Variants in PDE4B observed in about 807,000 individuals in gnomAD.
PDE4B encodes the protein 3',5'-cyclic-AMP phosphodiesterase 4B.
Under a neutral mutation model 82.2 loss-of-function variants are expected in PDE4B, and 20 were observed. That is an observed-to-expected ratio of 0.24 (90% CI 0.17 to 0.35). PDE4B has a LOEUF of 0.35. PDE4B is among the 10% of genes least tolerant of loss of function. PDE4B has a pLI of 1.00. For missense variants in PDE4B, 655 were observed against 907.2 expected (o/e 0.72, Z 3.57); for synonymous variants, 320 against 318.9 (o/e 1.00, Z -0.04).
chr1:66,312,736 A>G (rs1186345797), intron 7 of PDE4B, among the ~76,000 whole-genome samples: 1 of 152,188 alleles, frequency 6.6e-6, no homozygotes, highest in African/African-American at 2.4e-5. Flanking sequence ...ACTACAGCCC[A>G]TGGGCCAGCC....
intron 3 of PDE4B, among the ~76,000 whole-genome samples, chr1:66,099,967 C>T (rs1645190228): frequency 6.6e-6 from 1 of 152,114 alleles, no homozygotes; most frequent in African/African-American, 2.4e-5. Flanking sequence ...TCAAAGAAGT[C>T]TTCCCTGGCC....
At chr1:66,222,652 C>T (rs1307060181) in intron 3 of PDE4B, among the ~76,000 whole-genome samples, 1 of 152,192 alleles carries the variant, frequency 6.6e-6, no homozygotes, top group African/African-American at 2.4e-5. Context: ...GCAAATTATT[C>T]AACCTCTCTG....
chr1:66,063,792 A>G (rs1282262440), intron 3 of PDE4B, among the ~76,000 whole-genome samples: 1 of 151,986 alleles, frequency 6.6e-6, no homozygotes, highest in Admixed American at 6.6e-5. Context: ...AAAAGTAGGA[A>G]ATGTCTAAAT....
chr1:65,987,151 G>A (rs1650996225), intron 3 of PDE4B, among the ~76,000 whole-genome samples: 1 of 152,120 alleles, frequency 6.6e-6, no homozygotes. Context: ...TCATTGGAGG[G>A]CTTTGAGTAA....
chr1:65,804,586 G>T (rs1258207646), intron 1 of PDE4B, among the ~76,000 whole-genome samples: 1 of 152,140 alleles, frequency 6.6e-6, no homozygotes, highest in Non-Finnish European at 1.5e-5. Context: ...AATAATTAGA[G>T]AGTAGGGAAT....
intron 1 of PDE4B, among the ~76,000 whole-genome samples, chr1:65,906,353 C>A (rs1647027916): frequency 6.6e-6 from 1 of 152,114 alleles, no homozygotes; most frequent in Non-Finnish European, 1.5e-5. Context: ...TGAAAACTCT[C>A]AGGTGTGGAG....
intron 3 of PDE4B, among the ~76,000 whole-genome samples, chr1:66,064,470 A>T (rs1014387967): frequency 1.3e-5 from 2 of 152,018 alleles, no homozygotes; most frequent in African/African-American, 4.8e-5. Context: ...AAAAGGAGGC[A>T]GTCCAGAGAT....
At position 65,836,311 on chromosome 1, in the gene PDE4B, T is replaced by A. The variant is rs542868504; in HGVS notation, c.-71+43063T>A. On this transcript the variant is annotated intron_variant, in intron 1 of 16. Coordinates refer to ENST00000341517, the MANE Select transcript of PDE4B (RefSeq NM_002600.4). ...CACCGCTATCCTTACCATGTCCCCA[T>A]GTCCTATACATGGTCATCTCTACTC... is the stretch of plus-strand genomic sequence containing the variant. Among the ~76,000 whole-genome samples, 143 of 152,334 alleles carry A rather than the reference T, an allele frequency of 9.4e-4. 1 individual carries two copies. The highest frequency in any genetic ancestry group is 3.4e-3 in the Middle Eastern group (1 of 294).
chr1:66,174,312 AATTT>A (rs1646891541), intron 3 of PDE4B, among the ~76,000 whole-genome samples: 1 of 152,230 alleles, frequency 6.6e-6, no homozygotes, highest in Non-Finnish European at 1.5e-5. Context: ...ACTACTTCTT[AATTT>A]ATTTGTGTTA....
chr1:66,063,679 C>A (rs368448434), intron 3 of PDE4B, among the ~76,000 whole-genome samples: 1 of 151,858 alleles, frequency 6.6e-6, no homozygotes, highest in South Asian at 2.1e-4. Flanking sequence ...TCTCTCAAGT[C>A]TTTTAAAAAC....
At chr1:66,286,497 A>AT (rs2101798105) in intron 7 of PDE4B, among the ~76,000 whole-genome samples, 1 of 152,278 alleles carries the variant, frequency 6.6e-6, no homozygotes, top group South Asian at 2.1e-4. Context: ...ATTGTGAAAC[A>AT]TTATTATTAA....
chr1:66,360,728 A>G (rs1423377023), intron 9 of PDE4B: 6 of 152,230 alleles, frequency 3.9e-5, no homozygotes, highest in Non-Finnish European at 8.8e-5. Context: ...GTGAAATGGA[A>G]TATTTGATGG....
chr1:65,877,543 A>C (rs970557063), intron 1 of PDE4B, among the ~76,000 whole-genome samples: 2 of 152,024 alleles, frequency 1.3e-5, no homozygotes, highest in Non-Finnish European at 2.9e-5. Context: ...TGACCCTGGG[A>C]GGCAGAGTTT....
rs72918224 is a variant in PDE4B at position 66,028,209 on chromosome 1, G to A, written c.281+109374G>A. On this transcript the variant is annotated intron_variant, in intron 3 of 16. Transcript: ENST00000341517. ...CAGTTCTTGAATTCTGTGCATCTCT[G>A]GGCTCAACATCAAGTGGAAGTTGCC... Among the ~76,000 whole-genome samples, 481 of 152,232 alleles carry A rather than the reference G, an allele frequency of 3.2e-3. 1 individual carries two copies. Among genetic ancestry groups the A allele is most frequent in the African/African-American group, 0.011 (444 of 41,530 alleles).
At chr1:65,952,256 A>G (rs1649036067) in intron 3 of PDE4B, among the ~76,000 whole-genome samples, 1 of 152,084 alleles carries the variant, frequency 6.6e-6, no homozygotes, top group African/African-American at 2.4e-5. Context: ...CATTAGCTTC[A>G]GGAAGTCCTC....
At chr1:66,047,208 G>A (rs1654764772) in intron 3 of PDE4B, among the ~76,000 whole-genome samples, 1 of 151,684 alleles carries the variant, frequency 6.6e-6, no homozygotes, top group African/African-American at 2.4e-5. Context: ...GAACCATGGA[G>A]TTTGACTGAT....
intron 1 of PDE4B, among the ~76,000 whole-genome samples, chr1:65,817,974 A>T: frequency 6.6e-6 from 1 of 152,160 alleles, no homozygotes; most frequent in East Asian, 1.9e-4. Context: ...ATCAGATACA[A>T]ATATAGGGCC....
At chr1:66,194,023 C>G (rs978697761) in intron 3 of PDE4B, among the ~76,000 whole-genome samples, 1 of 150,532 alleles carries the variant, frequency 6.6e-6, no homozygotes, top group Non-Finnish European at 1.5e-5. Flanking sequence ...TCTCACCTGT[C>G]AGCAAGTCGT....
At chr1:66,037,148 T>G (rs534296258) in intron 3 of PDE4B, among the ~76,000 whole-genome samples, 37 of 142,462 alleles carry the variant, frequency 2.6e-4, no homozygotes, top group Non-Finnish European at 5.3e-4. Flanking sequence ...AAAAAAGAAA[T>G]AATTGTTTTT....
Sources: gnomAD v4.1 joint callset for allele counts (sites outside exome capture counted in the v4.1 genomes callset) on GRCh38, gnomAD v4.1.1 for gene constraint, MANE v1.5 for transcripts, NCBI Gene and HGNC (gene_info 2026-07-23, HGNC 2026-07-21) for gene names.